The following ATP8A2 variants were observed in gnomAD, a reference collection of about 807,000 sequenced individuals.
ATP8A2 encodes the protein ATPase phospholipid transporting 8A2.
A neutral mutation model predicts 165.6 loss-of-function variants in ATP8A2; 100 were observed. That is an observed-to-expected ratio of 0.60 (90% CI 0.51 to 0.71). The LOEUF (loss-of-function observed/expected upper bound fraction) is 0.71, where lower values mean the gene tolerates loss of function less well. ATP8A2 is among the 30% of genes least tolerant of loss of function. ATP8A2 has a pLI of 0.00. For missense variants in ATP8A2, 1,227 were observed against 1,479.5 expected, an observed-to-expected ratio of 0.83 and a Z score of 2.80; for synonymous variants, 543 against 548.8, an observed-to-expected ratio of 0.99 and a Z score of 0.15.
At chr13:25,638,027 C>G (rs4770854) in intron 24 of ATP8A2, among the ~76,000 whole-genome samples, 56,782 of 152,064 alleles carry the variant, frequency 0.37, 11,421 homozygotes, top group Middle Eastern at 0.48. Context: ...CAAACTCCAA[C>G]AGACCTGCAG....
At chr13:25,405,118 G>A (rs917088750) in intron 1 of ATP8A2, among the ~76,000 whole-genome samples, 2 of 152,166 alleles carry the variant, frequency 1.3e-5, no homozygotes, top group Admixed American at 6.5e-5. Context: ...GGGTGTTTGG[G>A]TTCAGCAGCA....
intron 33 of ATP8A2, among the ~76,000 whole-genome samples, chr13:25,898,279 A>C (rs961139093): frequency 6.6e-5 from 10 of 152,166 alleles, no homozygotes; most frequent in Admixed American, 1.3e-4. Context: ...GTTGGAATTT[A>C]CTGGAGGTCC....
chr13:25,697,713 A>G (rs1404583767), intron 24 of ATP8A2, among the ~76,000 whole-genome samples: 1 of 152,212 alleles, frequency 6.6e-6, no homozygotes, highest in Non-Finnish European at 1.5e-5. Context: ...GAAAAGTGCT[A>G]TGAAGTTTTT....
At chr13:25,879,244 A>T (rs1054678790) in intron 33 of ATP8A2, among the ~76,000 whole-genome samples, 1 of 152,206 alleles carries the variant, frequency 6.6e-6, no homozygotes, top group Non-Finnish European at 1.5e-5. Context: ...CTGGGACAAT[A>T]TCTCCAGTGG....
At chr13:25,646,089 G>T (rs1170729290) in intron 24 of ATP8A2, among the ~76,000 whole-genome samples, 1 of 152,068 alleles carries the variant, frequency 6.6e-6, no homozygotes, top group African/African-American at 2.4e-5. Flanking sequence ...ATATTTAGGG[G>T]CTCCAATGCT....
rs116172684 is a variant in ATP8A2, at chr13:25,432,516, T to C, written c.77-36461T>C. Among the ~76,000 whole-genome samples the C allele has an allele frequency of 8.5e-3, 1,294 of 152,298 alleles. 21 individuals are homozygous for C. Among genetic ancestry groups the C allele is most frequent in the African/African-American group, 0.029 (1,198 of 41,552 alleles). On this transcript the variant is annotated intron_variant, in intron 1 of 36. Transcript: ENST00000381655. The stretch of plus-strand genomic sequence containing the variant: ...CTGGTGTGAACCCTGACTTCTTTAG[T>C]TTGGGGGCTTTGATGGTTTCTACCA...
intron 35 of ATP8A2, among the ~76,000 whole-genome samples, chr13:26,003,130 T>C (rs1956669343): frequency 6.6e-6 from 1 of 152,164 alleles, no homozygotes; most frequent in African/African-American, 2.4e-5. Flanking sequence ...CTATACTAAT[T>C]TGTATTCCCA....
intron 25 of ATP8A2, among the ~76,000 whole-genome samples, chr13:25,742,267 T>G (rs1019596422): frequency 4.6e-5 from 7 of 152,096 alleles, no homozygotes; most frequent in African/African-American, 7.2e-5. Context: ...CATTATAATC[T>G]TATAGGGCCA....
intron 2 of ATP8A2, among the ~76,000 whole-genome samples, chr13:25,470,414 A>C (rs907760892): frequency 2.6e-5 from 4 of 152,234 alleles, no homozygotes; most frequent in Admixed American, 6.5e-5. Flanking sequence ...GGCTCCAATC[A>C]AAAAGACAAA....
chr13:25,668,075 A>G (rs1320896624), intron 24 of ATP8A2, among the ~76,000 whole-genome samples: 1 of 152,074 alleles, frequency 6.6e-6, no homozygotes, highest in African/African-American at 2.4e-5. Flanking sequence ...AAGTGGTACA[A>G]CCCCAAAATA....
chr13:25,804,331 G>A (rs943107200), intron 27 of ATP8A2, among the ~76,000 whole-genome samples: 1 of 152,124 alleles, frequency 6.6e-6, no homozygotes, highest in Admixed American at 6.5e-5. Context: ...AGTGGTGCCT[G>A]TTTAAAAAGC....
chr13:25,866,142 C>T (rs997032826), intron 33 of ATP8A2, among the ~76,000 whole-genome samples: 1 of 152,182 alleles, frequency 6.6e-6, no homozygotes, highest in African/African-American at 2.4e-5. Context: ...ATGCATTTCC[C>T]AGCACTTCTG....
At chr13:25,506,054 T>G (rs1180813800) in intron 2 of ATP8A2, among the ~76,000 whole-genome samples, 1 of 152,226 alleles carries the variant, frequency 6.6e-6, no homozygotes, top group Non-Finnish European at 1.5e-5. Flanking sequence ...TTGGTTATTC[T>G]GAGGAAATTG....
At chr13:25,768,078 G>GT (rs1207893412) in intron 25 of ATP8A2, among the ~76,000 whole-genome samples, 2 of 129,362 alleles carry the variant, frequency 1.5e-5, no homozygotes, top group African/African-American at 6.8e-5. Flanking sequence ...TGGTGGCGTG[G>GT]GGGGGGGGTG....
rs535005883 is a variant in ATP8A2 at position 25,512,815 on chromosome 13, G to A, written c.222-17184G>A. Among the ~76,000 whole-genome samples the A allele has an allele frequency of 2.1e-3, 291 of 139,804 alleles. 2 individuals carry two copies. The highest frequency in any genetic ancestry group is 7.2e-3 in the African/African-American group (267 of 36,846). 91.7% of individuals were successfully genotyped at this position (139,804 alleles called of 152,430 possible). On this transcript the variant is annotated intron_variant, in intron 2 of 36. Transcript: ENST00000381655. The stretch of plus-strand genomic sequence containing the variant: ...CCCCCATCTCCCTCCCGTACGGGGC[G>A]GCTGGCCGGGCAGAGGGGCTCCTCA...
rs183780443 is a variant in ATP8A2, at chr13:25,924,541, A to C, written c.3184-37034A>C. Among the ~76,000 whole-genome samples the C allele has an allele frequency of 6.6e-5, 10 of 152,226 alleles. 1 individual carries two copies. The East Asian group carries it at 1.4e-3, about 21-fold the overall frequency. On this transcript the variant is annotated intron_variant, in intron 33 of 36. Transcript: ENST00000381655. ...CATGAGTCATACTGGATTAGGGCTC[A>C]CCCTATTTACCTCATTTCAACCTAA...
intron 1 of ATP8A2, among the ~76,000 whole-genome samples, chr13:25,383,031 A>G (rs1168956783): frequency 1.3e-5 from 2 of 149,132 alleles, no homozygotes; most frequent in African/African-American, 5.0e-5. Context: ...CTGGGATTAC[A>G]GGTGTGAGCC....
chr13:25,589,883 A>G (rs2040024861), intron 24 of ATP8A2, among the ~76,000 whole-genome samples, 184 bp downstream of exon 24: 1 of 152,220 alleles, frequency 6.6e-6, no homozygotes, highest in South Asian at 2.1e-4. Context: ...AAACATCAAA[A>G]CAGTAAGCTT....
intron 18 of ATP8A2, among the ~76,000 whole-genome samples, chr13:25,572,373 A>G (rs2039492214): frequency 6.6e-6 from 1 of 152,202 alleles, no homozygotes. Context: ...TCCTGACCTC[A>G]AGTGGTCCAC....
Sources: allele counts gnomAD v4.1 joint callset (sites outside exome capture counted in the v4.1 genomes callset), GRCh38; gene constraint gnomAD v4.1.1; transcripts MANE v1.5; gene names NCBI Gene and HGNC (gene_info 2026-07-23, HGNC 2026-07-21).